Variants in C8orf89 observed in about 807,000 individuals in gnomAD.
The protein encoded by C8orf89 is putative uncharacterized protein C8orf89.
C8orf89 carries 14 observed loss-of-function variants against 15.8 expected under a neutral mutation model. That is an observed-to-expected ratio of 0.89 (90% CI 0.59 to 1.39). The LOEUF (loss-of-function observed/expected upper bound fraction) is 1.39, where lower values mean the gene tolerates loss of function less well. Among genes scored for constraint, C8orf89 ranks in the 40% most tolerant of loss-of-function variants. C8orf89 has a pLI of 0.00. For synonymous variants in C8orf89, 55 were observed against 62.2 expected, an observed-to-expected ratio of 0.88 and a Z score of 0.54; for missense variants, 181 against 184.5, an observed-to-expected ratio of 0.98 and a Z score of 0.11.
At chr8:73,268,434 G>A in the C8orf89 span, among the ~76,000 whole-genome samples, 44 of 151,898 alleles carry the variant, frequency 2.9e-4, no homozygotes, top group African/African-American at 7.5e-4. Flanking sequence ...AGCCGAGATC[G>A]CGCCACTGCA....
chr8:73,275,987 C>T, the C8orf89 span, among the ~76,000 whole-genome samples: 1 of 152,044 alleles, frequency 6.6e-6, no homozygotes, highest in Admixed American at 6.6e-5. Context: ...TATCACATTA[C>T]CTTAATTTCT....
chr8:73,269,570 C>A, the C8orf89 span, among the ~76,000 whole-genome samples: 1 of 152,182 alleles, frequency 6.6e-6, no homozygotes, highest in Non-Finnish European at 1.5e-5. Flanking sequence ...ACCCTTACAG[C>A]GACTCTGGGC....
Position 73,257,053 on chromosome 8 carries a change from A to G in C8orf89, c.201T>C (p.Ser67=), listed in dbSNP as rs1586166756. ...GAGTTGAACTTACACTTTTTTGGCA[A>G]CTTTGCAGTCCTGGTAAATATGGCA... The part of the protein sequence containing the change: ...IKMPYLPGLQ[S]CQKSVSSTPL... The change falls in exon 2 of 4, where the codon AGT becomes AGC. Residue 67 remains serine (S), a synonymous_variant. Coordinates refer to ENST00000624510, the MANE Select transcript of C8orf89 (RefSeq NM_001243237.3). 1 of 1,535,810 alleles carries G rather than the reference A, an allele frequency of 6.5e-7. No homozygotes were observed. The highest frequency in any genetic ancestry group is 2.4e-5 in the East Asian group (1 of 40,906).
chr8:73,244,961 G>A (rs1454243928), intron 3 of C8orf89, among the ~76,000 whole-genome samples: 2 of 152,120 alleles, frequency 1.3e-5, no homozygotes, highest in African/African-American at 4.8e-5. Context: ...ACTGAAACTG[G>A]GTAATTTTTA....
At chr8:73,282,779 G>A in the C8orf89 span, among the ~76,000 whole-genome samples, 2 of 152,200 alleles carry the variant, frequency 1.3e-5, no homozygotes, top group Non-Finnish European at 2.9e-5. Context: ...ATTTAGAGTG[G>A]TCACAGTGAG....
the C8orf89 span, among the ~76,000 whole-genome samples, chr8:73,271,984 G>C: frequency 6.6e-6 from 1 of 152,074 alleles, no homozygotes; most frequent in African/African-American, 2.4e-5. Context: ...CCACAGTAAG[G>C]GATCCTTCTT....
chr8:73,251,650 A>G (rs1813251663), intron 2 of C8orf89, among the ~76,000 whole-genome samples: 1 of 152,256 alleles, frequency 6.6e-6, no homozygotes, highest in Non-Finnish European at 1.5e-5. Flanking sequence ...GTCAAATCAC[A>G]AATGAAAAAC....
intron 3 of C8orf89, among the ~76,000 whole-genome samples, chr8:73,241,873 G>A (rs1424969215): frequency 6.6e-6 from 1 of 151,906 alleles, no homozygotes; most frequent in African/African-American, 2.4e-5. Flanking sequence ...TATACACTAG[G>A]GAAAAGATAG....
intron 3 of C8orf89, among the ~76,000 whole-genome samples, chr8:73,245,503 T>C (rs990448619): frequency 1.3e-5 from 2 of 151,598 alleles, no homozygotes; most frequent in Non-Finnish European, 2.9e-5. Context: ...AAAAAGATAA[T>C]ATAGGAAAGG....
chr8:73,263,176 G>A (rs1813560321), upstream of C8orf89, among the ~76,000 whole-genome samples: 1 of 152,166 alleles, frequency 6.6e-6, no homozygotes, highest in Admixed American at 6.5e-5. Flanking sequence ...AAAAATTACT[G>A]TATTTTTAAG....
At chr8:73,278,679 C>T in the C8orf89 span, among the ~76,000 whole-genome samples, 1 of 152,020 alleles carries the variant, frequency 6.6e-6, no homozygotes, top group African/African-American at 2.4e-5. Flanking sequence ...GTTGAGAAGC[C>T]CAATACTGTT....
chr8:73,266,057 C>A, the C8orf89 span, among the ~76,000 whole-genome samples: 1 of 152,216 alleles, frequency 6.6e-6, no homozygotes, highest in East Asian at 1.9e-4. Flanking sequence ...TCCTCACATC[C>A]AGTCACATTC....
At chr8:73,276,128 T>G in the C8orf89 span, among the ~76,000 whole-genome samples, 1 of 152,020 alleles carries the variant, frequency 6.6e-6, no homozygotes, top group Non-Finnish European at 1.5e-5. Context: ...AAATATATTT[T>G]TATTATTAGT....
At chr8:73,277,647 G>T in the C8orf89 span, 9 of 758,556 alleles carry the variant, frequency 1.2e-5, no homozygotes, top group South Asian at 6.7e-5. Flanking sequence ...TTTCATCCAG[G>T]AAGGTTTCTC....
the C8orf89 span, among the ~76,000 whole-genome samples, chr8:73,267,638 G>A: frequency 6.6e-6 from 1 of 152,150 alleles, no homozygotes; most frequent in African/African-American, 2.4e-5. Context: ...CTTAATAAAT[G>A]GAGCTTGGCA....
chr8:73,271,363 C>T, the C8orf89 span, among the ~76,000 whole-genome samples: 1 of 152,262 alleles, frequency 6.6e-6, no homozygotes, highest in East Asian at 1.9e-4. Context: ...CTTCTCCTGG[C>T]AGTGGGTGAG....
chr8:73,276,178 C>CTTTTT, the C8orf89 span, among the ~76,000 whole-genome samples: 1 of 131,654 alleles, frequency 7.6e-6, no homozygotes, highest in African/African-American at 2.8e-5. Flanking sequence ...ATTTCTGATG[C>CTTTTT]TTTTTTTTTT....
the C8orf89 span, among the ~76,000 whole-genome samples, chr8:73,267,764 T>C: frequency 6.6e-6 from 1 of 152,222 alleles, no homozygotes; most frequent in African/African-American, 2.4e-5. Context: ...AGTTACCACG[T>C]ACAGTCAGTT....
intron 2 of C8orf89, among the ~76,000 whole-genome samples, chr8:73,255,165 A>G (rs1813342068): frequency 6.6e-6 from 1 of 152,010 alleles, no homozygotes; most frequent in East Asian, 1.9e-4. Context: ...AGAAACTACC[A>G]TCAGAGTGAA....
Sources: gnomAD v4.1 joint callset for allele counts (sites outside exome capture counted in the v4.1 genomes callset) on GRCh38, gnomAD v4.1.1 for gene constraint, MANE v1.5 for transcripts, NCBI Gene and HGNC (gene_info 2026-07-23, HGNC 2026-07-21) for gene names.